MMP16: variants seen among roughly 807,000 people sequenced by gnomAD.
MMP16 encodes matrix metallopeptidase 16, also known as matrix metalloproteinase-16.
In MMP16, 12 loss-of-function variants were observed where a neutral mutation model predicts 67.8. That is an observed-to-expected ratio of 0.18 (90% CI 0.11 to 0.29). The LOEUF is 0.29. MMP16 is among the 10% of genes least tolerant of loss of function. MMP16 has a pLI of 1.00. For missense variants in MMP16, 475 were observed against 765.7 expected, an observed-to-expected ratio of 0.62 and a Z score of 4.48; for synonymous variants, 249 against 255.9, an observed-to-expected ratio of 0.97 and a Z score of 0.26.
chr8:88,158,655 A>G (rs953772999), intron 4 of MMP16, among the ~76,000 whole-genome samples: 1 of 152,032 alleles, frequency 6.6e-6, no homozygotes, highest in African/African-American at 2.4e-5. Context: ...GCTGTGCAGA[A>G]GCTCTTTAGT....
At chr8:88,226,880 T>TTATG (rs767844899) in intron 1 of MMP16, among the ~76,000 whole-genome samples, 1 of 6,104 alleles carries the variant, frequency 1.6e-4, no homozygotes, top group African/African-American at 1.9e-4. Flanking sequence ...CTACACGTAT[T>TTATG]TATTTATTTA....
chr8:88,229,687 T>C (rs779479625), intron 1 of MMP16, among the ~76,000 whole-genome samples: 13 of 148,164 alleles, frequency 8.8e-5, no homozygotes, highest in Non-Finnish European at 1.5e-4. Flanking sequence ...CTTAATCACC[T>C]AGTGATTGTT....
At chr8:88,131,937 A>G (rs1439588376) in intron 4 of MMP16, among the ~76,000 whole-genome samples, 1 of 151,878 alleles carries the variant, frequency 6.6e-6, no homozygotes, top group Non-Finnish European at 1.5e-5. Flanking sequence ...TGAACTGTTT[A>G]TGAATGATTC....
chr8:88,166,461 T>G (rs1333188916), intron 4 of MMP16, among the ~76,000 whole-genome samples: 2 of 151,744 alleles, frequency 1.3e-5, no homozygotes, highest in Non-Finnish European at 2.9e-5. Context: ...GTAACCACTC[T>G]CATATTAAGT....
intron 1 of MMP16, among the ~76,000 whole-genome samples, chr8:88,204,540 A>C (rs1809395659): frequency 6.6e-6 from 1 of 152,166 alleles, no homozygotes; most frequent in Admixed American, 6.5e-5. Context: ...AAAACAATGT[A>C]AATATAATTC....
rs1808012556 is a variant in MMP16, at chr8:88,033,518, T to A, written c.*7943A>T. 1 of 151,870 alleles carries A rather than the reference T, an allele frequency of 6.6e-6. No individual in the cohort carries two copies. Among genetic ancestry groups the A allele is most frequent in the Non-Finnish European group, 1.5e-5 (1 of 67,890 alleles). The allele number at this position is 151,870 out of a possible 1,614,324, so 9.4% of individuals were successfully genotyped here. ...AATAATTGATTCTTTTAAAAAAGCATCAACCAACTATGAACTAATTAGATT... is the reference window on the plus strand; with the variant it reads ...AATAATTGATTCTTTTAAAAAAGCAACAACCAACTATGAACTAATTAGATT... On this transcript the variant is annotated 3_prime_UTR_variant, in exon 10 of 10. Transcript: ENST00000286614.
intron 4 of MMP16, among the ~76,000 whole-genome samples, chr8:88,144,399 T>G (rs1808258789): frequency 6.6e-6 from 1 of 151,856 alleles, no homozygotes; most frequent in Non-Finnish European, 1.5e-5. Context: ...TTTAAAATTT[T>G]TGTTTAATTT....
intron 3 of MMP16, among the ~76,000 whole-genome samples, chr8:88,168,544 T>C (rs1272850478): frequency 1.3e-5 from 2 of 152,194 alleles, no homozygotes; most frequent in Non-Finnish European, 2.9e-5. Flanking sequence ...TAAACAGCTA[T>C]TTAATACAAA....
rs187772918 is a variant in MMP16, at chr8:88,081,384, A to T, written c.1084-6641T>A. On this transcript the variant is annotated intron_variant, in intron 6 of 9. Coordinates refer to ENST00000286614, the MANE Select transcript of MMP16 (RefSeq NM_005941.5). ...ATCAGAATTTCTCAGAAAATTTCTTACTTAAAGTTTTTTAATAACACCCTA... is the reference window on the plus strand; with the variant it reads ...ATCAGAATTTCTCAGAAAATTTCTTTCTTAAAGTTTTTTAATAACACCCTA... Among the ~76,000 whole-genome samples the T allele has an allele frequency of 2.5e-3, 377 of 152,288 alleles. 1 individual carries two copies. Among genetic ancestry groups the T allele is most frequent in the African/African-American group, 8.6e-3 (358 of 41,578 alleles).
intron 2 of MMP16, among the ~76,000 whole-genome samples, chr8:88,193,789 A>T (rs1809207895): frequency 6.6e-6 from 1 of 152,030 alleles, no homozygotes; most frequent in Non-Finnish European, 1.5e-5. Context: ...AGTGCATGCC[A>T]CTGTACACAT....
intron 6 of MMP16, among the ~76,000 whole-genome samples, chr8:88,099,530 C>T (rs779081731): frequency 9.9e-5 from 15 of 151,778 alleles, no homozygotes; most frequent in Non-Finnish European, 1.8e-4. Context: ...TATCTTGCCT[C>T]ATGATGAGAT....
chr8:88,179,003 A>G (rs1586191357), intron 3 of MMP16, among the ~76,000 whole-genome samples: 1 of 152,124 alleles, frequency 6.6e-6, no homozygotes, highest in Admixed American at 6.5e-5. Flanking sequence ...GAAAATACAC[A>G]CAATGAAAAT....
chr8:88,237,681 C>CAACA (rs1554587734), intron 1 of MMP16, among the ~76,000 whole-genome samples: 1 of 151,172 alleles, frequency 6.6e-6, no homozygotes, highest in African/African-American at 2.4e-5. Context: ...ACAACAACAA[C>CAACA]AAAAAACAAC....
intron 1 of MMP16, among the ~76,000 whole-genome samples, chr8:88,281,067 A>AT (rs1257990896): frequency 2.0e-5 from 3 of 152,230 alleles, no homozygotes; most frequent in Admixed American, 2.0e-4. Context: ...AGAAAGTCAT[A>AT]AACACAGCAA....
chr8:88,088,815 G>A (rs1808887158), intron 6 of MMP16, among the ~76,000 whole-genome samples: 1 of 152,178 alleles, frequency 6.6e-6, no homozygotes, highest in African/African-American at 2.4e-5. Context: ...CTTGAGGGAA[G>A]TCAGATGATC....
intron 4 of MMP16, among the ~76,000 whole-genome samples, chr8:88,160,153 C>T (rs1258819767): frequency 2.0e-5 from 3 of 151,792 alleles, no homozygotes; most frequent in Non-Finnish European, 4.4e-5. Context: ...CCCAGAGTGT[C>T]ATGTTCCCCT....
chr8:88,232,270 C>G (rs1184735331), intron 1 of MMP16, among the ~76,000 whole-genome samples: 2 of 152,082 alleles, frequency 1.3e-5, no homozygotes, highest in Non-Finnish European at 2.9e-5. Flanking sequence ...ATTGCATTGA[C>G]TTAACAATAC....
intron 7 of MMP16, among the ~76,000 whole-genome samples, chr8:88,066,626 A>G (rs17719818): frequency 0.01 from 1,580 of 152,196 alleles, 13 homozygotes; most frequent in Middle Eastern, 0.027. Context: ...GGGTTTGTAC[A>G]TCTACACTCT....
chr8:88,288,289 T>A (rs1300361291), intron 1 of MMP16, among the ~76,000 whole-genome samples: 2 of 152,244 alleles, frequency 1.3e-5, no homozygotes, highest in African/African-American at 4.8e-5. Context: ...ACCTCATTCT[T>A]CCAAATGCAG....
Sources: gnomAD v4.1 joint callset for allele counts (sites outside exome capture counted in the v4.1 genomes callset) on GRCh38, gnomAD v4.1.1 for gene constraint, MANE v1.5 for transcripts, NCBI Gene and HGNC (gene_info 2026-07-23, HGNC 2026-07-21) for gene names.